PID1: variants seen among roughly 807,000 people sequenced by gnomAD.
The protein encoded by PID1 is PTB-containing, cubilin and LRP1-interacting protein.
PID1 carries 10 observed loss-of-function variants against 19.1 expected under a neutral mutation model. That is an observed-to-expected ratio of 0.52 (90% CI 0.32 to 0.89). The LOEUF is 0.89. PID1 is among the 40% of genes least tolerant of loss of function. The pLI, the probability that PID1 is intolerant of heterozygous loss-of-function variation, is 0.03. For missense variants in PID1, 248 were observed against 285.3 expected, an observed-to-expected ratio of 0.87 and a Z score of 0.94; for synonymous variants, 130 against 116.0, an observed-to-expected ratio of 1.12 and a Z score of -0.78.
At chr2:229,029,621 C>T (rs1574567014) in intron 2 of PID1, among the ~76,000 whole-genome samples, 1 of 151,806 alleles carries the variant, frequency 6.6e-6, no homozygotes, top group African/African-American at 2.4e-5. Context: ...GCGGGCGGAA[C>T]ACGAGGTCAG....
At chr2:229,109,761 T>G (rs1695258796) in intron 2 of PID1, among the ~76,000 whole-genome samples, 1 of 152,156 alleles carries the variant, frequency 6.6e-6, no homozygotes, top group Non-Finnish European at 1.5e-5. Flanking sequence ...TATGAAAAAA[T>G]GTATGAACCC....
chr2:229,070,184 A>G (rs1254481554), intron 2 of PID1, among the ~76,000 whole-genome samples: 2 of 152,216 alleles, frequency 1.3e-5, no homozygotes, highest in Non-Finnish European at 2.9e-5. Flanking sequence ...AAATGCAAAG[A>G]TGACTGTTCC....
intron 2 of PID1, among the ~76,000 whole-genome samples, chr2:229,109,679 T>A (rs948311803): frequency 2.6e-5 from 4 of 152,362 alleles, no homozygotes; most frequent in Admixed American, 2.6e-4. Context: ...TACAATTATT[T>A]GACATAATCA....
rs370012595 is a variant in PID1, at chr2:229,158,014, G to A, written c.31-2050C>T. ...TTTTGTGCAGCGTTTTCACTGTTCC[G>A]ACAAAAACAAAATACAGCATGAACT... On this transcript the variant is annotated intron_variant, in intron 1 of 2. Transcript: ENST00000392055. 1.1e-4 allele frequency among the ~76,000 whole-genome samples: 16 copies of A among 152,242 alleles called. No homozygotes were observed. The East Asian group carries it at 1.7e-3, about 17-fold the overall frequency.
intron 2 of PID1, among the ~76,000 whole-genome samples, chr2:229,112,119 T>C (rs185244884): frequency 3.7e-4 from 56 of 152,276 alleles, no homozygotes; most frequent in African/African-American, 1.3e-3. Context: ...TGTTAAGAAC[T>C]TTTTATCCAT....
intron 1 of PID1, among the ~76,000 whole-genome samples, chr2:229,193,912 T>C (rs1377541381): frequency 6.6e-6 from 1 of 152,126 alleles, no homozygotes; most frequent in Non-Finnish European, 1.5e-5. Flanking sequence ...AGCCATATGT[T>C]ATTTTCAAAA....
At chr2:229,054,464 G>A (rs1035076623) in intron 2 of PID1, among the ~76,000 whole-genome samples, 9 of 152,150 alleles carry the variant, frequency 5.9e-5, no homozygotes, top group African/African-American at 2.2e-4. Context: ...AACATTTGGT[G>A]GGAATGAGTC....
intron 2 of PID1, among the ~76,000 whole-genome samples, chr2:229,095,323 T>C (rs1694953308): frequency 6.6e-6 from 1 of 152,150 alleles, no homozygotes; most frequent in Non-Finnish European, 1.5e-5. Context: ...ATGGTAGAAA[T>C]TAAATGACCA....
intron 2 of PID1, among the ~76,000 whole-genome samples, chr2:229,085,043 A>G (rs925100339): frequency 6.6e-6 from 1 of 152,110 alleles, no homozygotes; most frequent in African/African-American, 2.4e-5. Context: ...CTCTTTAAAG[A>G]GCTGAAGACA....
chr2:229,155,904 G>A lies in PID1; in HGVS notation c.91C>T (p.Pro31Ser), dbSNP rs758850038. 1 of 1,613,944 alleles carries A rather than the reference G, an allele frequency of 6.2e-7. No individual in the cohort carries two copies. The change falls in exon 2 of 3, where the codon CCA becomes TCA. Residue 31 changes from proline (P) to serine (S), a missense_variant. Physicochemically the swap from Pro to Ser is moderately conservative, Grantham distance 74. Transcript: ENST00000392055. ...TCCGGCTCATGGAAGATGACCGCTG[G>A]GAGAGGTTCCTTTTTCAGTGTTAAG... The part of the protein sequence containing the change: ...NVLTLKKEPL[P>S]AVIFHEPEAI...
chr2:229,248,302 A>G (rs1339269038), intron 1 of PID1, among the ~76,000 whole-genome samples: 1 of 152,148 alleles, frequency 6.6e-6, no homozygotes, highest in Non-Finnish European at 1.5e-5. Context: ...AGAGCCTGAG[A>G]CAGTTGTTTT....
chr2:229,208,511 G>A (rs1691657513), intron 1 of PID1, among the ~76,000 whole-genome samples: 1 of 152,168 alleles, frequency 6.6e-6, no homozygotes, highest in Admixed American at 6.5e-5. Context: ...ACATATTCAT[G>A]CAAAAGGCAG....
intron 1 of PID1, among the ~76,000 whole-genome samples, chr2:229,210,323 T>G (rs1016533826): frequency 2.6e-5 from 4 of 151,434 alleles, no homozygotes; most frequent in African/African-American, 9.7e-5. Context: ...CCATCGTGGC[T>G]AACACAGTGA....
chr2:229,065,458 C>T (rs1336117015), intron 2 of PID1, among the ~76,000 whole-genome samples: 1 of 152,090 alleles, frequency 6.6e-6, no homozygotes, highest in Non-Finnish European at 1.5e-5. Context: ...TATTTGCTGT[C>T]ATATGGAATA....
intron 1 of PID1, among the ~76,000 whole-genome samples, chr2:229,266,722 G>A (rs149110670): frequency 7.7e-4 from 117 of 152,292 alleles, no homozygotes; most frequent in African/African-American, 2.8e-3. Flanking sequence ...CTGGCCTTCA[G>A]TTTCTCTCTA....
intron 2 of PID1, among the ~76,000 whole-genome samples, chr2:229,036,770 C>CA (rs1421751250): frequency 2.6e-5 from 4 of 152,158 alleles, no homozygotes; most frequent in Admixed American, 1.3e-4. Context: ...CACAACAAAA[C>CA]AAAAAAACCC....
intron 2 of PID1, among the ~76,000 whole-genome samples, chr2:229,059,793 A>T (rs1694175621): frequency 6.6e-6 from 1 of 152,172 alleles, no homozygotes; most frequent in Non-Finnish European, 1.5e-5. Flanking sequence ...CCAAAAGTGA[A>T]CATTCTTTCA....
rs1293062292 is a variant in PID1, at chr2:229,271,255, C to T, written c.-212G>A. 8 of 437,242 alleles carry T rather than the reference C, an allele frequency of 1.8e-5. No individual in the cohort carries two copies. The highest frequency in any genetic ancestry group is 9.1e-5 in the Admixed American group (2 of 22,086). The allele number at this position is 437,242 out of a possible 1,614,324, so 27.1% of individuals were successfully genotyped here. A position where few individuals can be genotyped will look rare whatever the true frequency, so the allele number is the denominator to read the frequency against. Reference sequence around the variant, plus strand: ...GGCAACTTGTGGGCACGGCCGCGCGCCGGCTGTCCTGGCGCAGCTGCGAGA... The same window carrying T: ...GGCAACTTGTGGGCACGGCCGCGCGTCGGCTGTCCTGGCGCAGCTGCGAGA... On this transcript the variant is annotated 5_prime_UTR_variant, in exon 1 of 3. Transcript: ENST00000392055.
intron 2 of PID1, among the ~76,000 whole-genome samples, chr2:229,140,210 G>T (rs6756257): frequency 6.6e-6 from 1 of 151,800 alleles, no homozygotes; most frequent in African/African-American, 2.4e-5. Flanking sequence ...TAAATTCAGC[G>T]TTACTAATGC....
Sources: allele counts gnomAD v4.1 joint callset (sites outside exome capture counted in the v4.1 genomes callset), GRCh38; gene constraint gnomAD v4.1.1; transcripts MANE v1.5; gene names NCBI Gene and HGNC (gene_info 2026-07-23, HGNC 2026-07-21).